WDR49: variants seen among roughly 807,000 people sequenced by gnomAD.
WDR49 encodes WD repeat domain 49, also known as cilia- and flagella-associated protein 337.
In WDR49, 107 loss-of-function variants were observed where a neutral mutation model predicts 119.5. The observed-to-expected ratio is 0.90, with a 90% CI of 0.77 to 1.05. The LOEUF (loss-of-function observed/expected upper bound fraction) is 1.05, where lower values mean the gene tolerates loss of function less well. Among genes scored for constraint, WDR49 ranks in the 50% least tolerant of loss-of-function variants. The pLI is 0.00. For missense variants in WDR49, 1,240 were observed against 1,220.5 expected (o/e 1.02, Z -0.24); for synonymous variants, 425 against 418.8 (o/e 1.01, Z -0.18).
At chr3:167,563,012 A>C (rs1713359791) in intron 8 of WDR49, among the ~76,000 whole-genome samples, 1 of 152,216 alleles carries the variant, frequency 6.6e-6, no homozygotes. Context: ...TCAATTTAAG[A>C]AAAATAGTAT....
intron 8 of WDR49, among the ~76,000 whole-genome samples, chr3:167,569,128 G>C (rs189083400): frequency 5.3e-5 from 8 of 152,156 alleles, no homozygotes; most frequent in Admixed American, 3.3e-4. Context: ...ATTTTTAGTA[G>C]AGATGGGGTT....
At chr3:167,484,289 C>T (rs1468396778) in intron 18 of WDR49, among the ~76,000 whole-genome samples, 2 of 151,884 alleles carry the variant, frequency 1.3e-5, no homozygotes, top group African/African-American at 2.4e-5. Flanking sequence ...AACACTGGGG[C>T]CTGTTGTGGG....
At chr3:167,586,771 C>T (rs571329570) in intron 7 of WDR49, among the ~76,000 whole-genome samples, 2 of 152,218 alleles carry the variant, frequency 1.3e-5, no homozygotes, top group South Asian at 4.1e-4. Flanking sequence ...ACATGACAAG[C>T]TTCATTATAA....
chr3:167,524,702 G>C (rs1368534021), intron 15 of WDR49, among the ~76,000 whole-genome samples: 1 of 152,140 alleles, frequency 6.6e-6, no homozygotes, highest in Non-Finnish European at 1.5e-5. Flanking sequence ...GTTTGTCAAA[G>C]ATCAGATGGT....
At position 167,560,174 on chromosome 3, in the gene WDR49, G is replaced by C; in HGVS notation, c.1564C>G (p.Gln522Glu). 1 of 1,614,138 alleles carries C rather than the reference G, an allele frequency of 6.2e-7. No individual in the cohort carries two copies. Among genetic ancestry groups the C allele is most frequent in the Non-Finnish European group, 8.5e-7 (1 of 1,180,020 alleles). ...CAACCAGTAAACTGTTTGATTTTCT[G>C]CCCAGTGTCTATCATCCAGAAGGAA... ...TVSFWMIDTG[Q>E]KIKQFTGCHG... The change falls in exon 9 of 19, where the codon CAG becomes GAG. Residue 522 changes from glutamine to glutamate, a missense_variant. By Grantham distance (29) the Gln-to-Glu change is conservative. Coordinates refer to ENST00000682715, the MANE Select transcript of WDR49 (RefSeq NM_001366157.1).
intron 8 of WDR49, among the ~76,000 whole-genome samples, chr3:167,574,077 A>G (rs538001262): frequency 1.3e-5 from 2 of 152,202 alleles, no homozygotes; most frequent in South Asian, 4.1e-4. Context: ...TCATTTTACT[A>G]TGTTCTACTG....
At chr3:167,504,576 T>C (rs1259062093) in intron 17 of WDR49, among the ~76,000 whole-genome samples, 2 of 152,234 alleles carry the variant, frequency 1.3e-5, no homozygotes, top group Admixed American at 6.5e-5. Flanking sequence ...GCTTACCTTG[T>C]TTCAGATGAG....
Position 167,620,623 on chromosome 3 carries a change from G to A in WDR49, c.784-20C>T. 1 of 1,518,948 alleles carries A rather than the reference G, an allele frequency of 6.6e-7. No individual in the cohort carries two copies. Among genetic ancestry groups the A allele is most frequent in the Non-Finnish European group, 8.8e-7 (1 of 1,136,510 alleles). The allele number at this position is 1,518,948 out of a possible 1,614,324, so 94.1% of individuals were successfully genotyped here. On this transcript the variant is annotated intron_variant, in intron 4 of 18. Transcript: ENST00000682715. Reference sequence around the variant, plus strand: ...TTGAACCTTGACAGAGACATTGAAAGAACAACAATCGTGGACGGGATATTT... The same window carrying A: ...TTGAACCTTGACAGAGACATTGAAAAAACAACAATCGTGGACGGGATATTT...
At chr3:167,599,382 G>A (rs1715650060) in intron 7 of WDR49, among the ~76,000 whole-genome samples, 1 of 152,100 alleles carries the variant, frequency 6.6e-6, no homozygotes, top group Non-Finnish European at 1.5e-5. Flanking sequence ...TGTCCCATGG[G>A]GAGAACTGCT....
chr3:167,624,680 T>C (rs926596495), intron 3 of WDR49, among the ~76,000 whole-genome samples: 1 of 151,998 alleles, frequency 6.6e-6, no homozygotes, highest in East Asian at 1.9e-4. Context: ...AGATTCTATA[T>C]TGAGTAAGCA....
intron 7 of WDR49, among the ~76,000 whole-genome samples, chr3:167,585,445 A>G (rs1456477344): frequency 6.6e-6 from 1 of 150,378 alleles, no homozygotes; most frequent in African/African-American, 2.5e-5. Flanking sequence ...ATGGCTAACA[A>G]AGATAAACAA....
chr3:167,581,673 A>G (rs1338965139), intron 7 of WDR49, among the ~76,000 whole-genome samples: 1 of 152,158 alleles, frequency 6.6e-6, no homozygotes, highest in Non-Finnish European at 1.5e-5. Context: ...ATAATGAAAT[A>G]AAGCTTTTCT....
intron 7 of WDR49, among the ~76,000 whole-genome samples, chr3:167,583,843 G>C (rs79409268): frequency 0.042 from 6,433 of 152,168 alleles, 186 homozygotes; most frequent in Non-Finnish European, 0.067. Context: ...CTGGAAGAAA[G>C]CATCTTCAAT....
chr3:167,529,223 T>C lies in WDR49; in HGVS notation c.2235A>G (p.Val745=), dbSNP rs1238825446. The C allele has an allele frequency of 1.3e-6, 2 of 1,596,348 alleles. No homozygotes were observed. Among genetic ancestry groups the C allele is most frequent in the African/African-American group, 2.7e-5 (2 of 74,046 alleles). Reference sequence around the variant, plus strand: ...TGACATAACCAGATCCTCCACATGATACCAGGTTAGCTCCTCCTAACATGT... The same window carrying C: ...TGACATAACCAGATCCTCCACATGACACCAGGTTAGCTCCTCCTAACATGT... The part of the protein sequence containing the change: ...NTAVTGGANL[V]SCGGSGYVRF... Residue 745 remains valine, a synonymous_variant, in exon 14 of 19, where the codon GTA becomes GTG. Transcript: ENST00000682715.
chr3:167,546,445 C>G (rs556631997), intron 10 of WDR49, among the ~76,000 whole-genome samples: 2 of 151,746 alleles, frequency 1.3e-5, no homozygotes, highest in African/African-American at 4.8e-5. Flanking sequence ...ATACTTTTGC[C>G]AAGTAAAATT....
At chr3:167,569,318 GTGTT>G (rs1375610909) in intron 8 of WDR49, among the ~76,000 whole-genome samples, 1 of 152,070 alleles carries the variant, frequency 6.6e-6, no homozygotes, top group African/African-American at 2.4e-5. Flanking sequence ...CTGCAAGTCT[GTGTT>G]TGAATACGTA....
intron 12 of WDR49, 63 bp from the exon 13 acceptor site, chr3:167,531,342 C>T (rs571195442): frequency 1.9e-6 from 3 of 1,565,420 alleles, no homozygotes; most frequent in South Asian, 2.3e-5. Context: ...AAACTAATGC[C>T]TATGAAATAG....
rs74856819 is a variant in WDR49, at chr3:167,628,638, A to G, written c.166-1346T>C. Among the ~76,000 whole-genome samples the G allele has an allele frequency of 8.5e-3, 1,292 of 152,278 alleles. 18 individuals are homozygous for G. Among genetic ancestry groups the G allele is most frequent in the African/African-American group, 0.026 (1,096 of 41,582 alleles). On this transcript the variant is annotated intron_variant, in intron 2 of 18. Transcript: ENST00000682715. ...CAGAGATTGATTCATGAGGTTTGAA[A>G]AAAAGAAGTCATCTCCACAACATAA...
intron 16 of WDR49, among the ~76,000 whole-genome samples, chr3:167,514,830 A>G (rs868309422): frequency 1.3e-5 from 2 of 151,944 alleles, no homozygotes; most frequent in Non-Finnish European, 2.9e-5. Flanking sequence ...ACAGAAATAC[A>G]ACCATCAAAG....
Sources: allele counts gnomAD v4.1 joint callset (sites outside exome capture counted in the v4.1 genomes callset), GRCh38; gene constraint gnomAD v4.1.1; transcripts MANE v1.5; gene names NCBI Gene and HGNC (gene_info 2026-07-23, HGNC 2026-07-21).